The following ZNF33A variants were observed in gnomAD, a reference collection of about 807,000 sequenced individuals.
ZNF33A encodes brain my041 protein.
In ZNF33A, 9 loss-of-function variants were observed where a neutral mutation model predicts 15.9. That is an observed-to-expected ratio of 0.57 (90% CI 0.34 to 0.99). The LOEUF (loss-of-function observed/expected upper bound fraction) is 0.99, where lower values mean the gene tolerates loss of function less well. Ranked by LOEUF, ZNF33A falls within the 50% of genes least tolerant of loss-of-function variation. The probability of loss-of-function intolerance (pLI) is 0.02; values close to 1 mark genes in which losing one functional copy is unlikely to be tolerated. For synonymous variants in ZNF33A, 294 were observed against 324.2 expected, an observed-to-expected ratio of 0.91 and a Z score of 1.00; for missense variants, 843 against 941.6, an observed-to-expected ratio of 0.90 and a Z score of 1.37.
chr10:38,038,561 C>T (rs1037175970), intron 4 of ZNF33A, among the ~76,000 whole-genome samples: 7 of 152,210 alleles, frequency 4.6e-5, no homozygotes, highest in Admixed American at 2.0e-4. Context: ...GATAGTTTCA[C>T]TTTTGTTTTC....
chr10:38,037,623 C>T (rs998784936), intron 4 of ZNF33A, among the ~76,000 whole-genome samples: 2 of 151,964 alleles, frequency 1.3e-5, no homozygotes, highest in South Asian at 2.1e-4. Flanking sequence ...TGTGCCCAGC[C>T]GAAAAGGTGA....
Position 38,057,349 on chromosome 10 carries a change from A to G in ZNF33A, c.*789A>G. 2.0e-6 allele frequency: 2 copies of G among 985,426 alleles called. No individual in the cohort carries two copies. The highest frequency in any genetic ancestry group is 2.4e-6 in the Non-Finnish European group (2 of 829,930). 61.0% of individuals were successfully genotyped at this position (985,426 alleles called of 1,614,324 possible). A position where few individuals can be genotyped will look rare whatever the true frequency, so the allele number is the denominator to read the frequency against. On this transcript the variant is annotated 3_prime_UTR_variant, in exon 5 of 5. Coordinates refer to ENST00000432900, the MANE Select transcript of ZNF33A (RefSeq NM_006954.2). Reference sequence around the variant, plus strand: ...CTTGACTATGAAGTTTTTTTAAAGCACAGATAAATTGAATAATCAGGGCAA... The same window carrying G: ...CTTGACTATGAAGTTTTTTTAAAGCGCAGATAAATTGAATAATCAGGGCAA...
intron 1 of ZNF33A, among the ~76,000 whole-genome samples, chr10:38,011,491 C>G (rs2064182321): frequency 6.6e-6 from 1 of 152,094 alleles, no homozygotes. Context: ...CGGAAAATTG[C>G]TTGAACCCGG....
At chr10:38,030,538 C>G (rs1375926277) in intron 4 of ZNF33A, among the ~76,000 whole-genome samples, 3 of 152,230 alleles carry the variant, frequency 2.0e-5, no homozygotes, top group East Asian at 1.9e-4. Context: ...CCTCCTACCC[C>G]CAATGTTTGG....
chr10:38,028,540 T>C (rs1271859590), intron 4 of ZNF33A, among the ~76,000 whole-genome samples: 2 of 151,996 alleles, frequency 1.3e-5, no homozygotes, highest in Non-Finnish European at 2.9e-5. Flanking sequence ...CGATCTTGGC[T>C]CACTGCAACC....
chr10:38,049,034 C>T (rs1310934404), intron 4 of ZNF33A, among the ~76,000 whole-genome samples: 1 of 152,000 alleles, frequency 6.6e-6, no homozygotes, highest in Admixed American at 6.6e-5. Flanking sequence ...TAAAGCAAAT[C>T]TTAATAAATG....
At position 38,010,686 on chromosome 10, in the gene ZNF33A, TC is replaced by T; in HGVS notation, c.-140del. ...CCGGCTACGTCTGCGTTTCCGCCTT[TC>T]CTTTTGTTTTTCTCAGGTTTTGCGT... On this transcript the variant is annotated 5_prime_UTR_variant, in exon 1 of 5. Transcript: ENST00000432900. 6.3e-7 allele frequency: 1 copy of T among 1,595,762 alleles called. No homozygotes were observed. Among genetic ancestry groups the T allele is most frequent in the Non-Finnish European group, 8.5e-7 (1 of 1,177,482 alleles).
chr10:38,066,836 G>T (rs1185901513), downstream of ZNF33A, among the ~76,000 whole-genome samples: 1 of 152,092 alleles, frequency 6.6e-6, no homozygotes, highest in East Asian at 2.0e-4. Context: ...GGAGGGTAAG[G>T]GATGAGAATG....
At chr10:38,011,545 A>G (rs1479013408) in intron 1 of ZNF33A, among the ~76,000 whole-genome samples, 1 of 152,216 alleles carries the variant, frequency 6.6e-6, no homozygotes, top group Non-Finnish European at 1.5e-5. Context: ...ATTGCACTCC[A>G]GACTGGGCAA....
At chr10:38,065,676 T>C (rs1055300103), downstream of ZNF33A, among the ~76,000 whole-genome samples, 4 of 151,562 alleles carry the variant, frequency 2.6e-5, no homozygotes, top group Admixed American at 2.6e-4. Flanking sequence ...TGGTTGCCAG[T>C]GCACCAGCCA....
At position 38,010,769 on chromosome 10, in the gene ZNF33A, C is replaced by A. The variant is rs772969096; in HGVS notation, c.-59C>A. On this transcript the variant is annotated 5_prime_UTR_variant, in exon 1 of 5. Transcript: ENST00000432900. Reference sequence around the variant, plus strand: ...GCGCTTTTCTATGGCGAATGCAACCCGACGAGGGAGTGGGGTAAGCCCCAG... The same window carrying A: ...GCGCTTTTCTATGGCGAATGCAACCAGACGAGGGAGTGGGGTAAGCCCCAG... 1.9e-6 allele frequency: 3 copies of A among 1,598,428 alleles called. No individual in the cohort carries two copies. The highest frequency in any genetic ancestry group is 2.2e-5 in the South Asian group (2 of 91,080).
chr10:38,056,590 A>G lies in ZNF33A; in HGVS notation c.*30A>G, dbSNP rs761765570. The G allele has an allele frequency of 6.5e-7, 1 of 1,531,112 alleles. No individual in the cohort carries two copies. The highest frequency in any genetic ancestry group is 8.7e-7 in the Non-Finnish European group (1 of 1,144,920). 94.8% of individuals were successfully genotyped at this position (1,531,112 alleles called of 1,614,324 possible). On this transcript the variant is annotated 3_prime_UTR_variant, in exon 5 of 5. Coordinates refer to ENST00000432900, the MANE Select transcript of ZNF33A (RefSeq NM_006954.2). ...CCACAAACTCACCTTATGTTACTCC[A>G]AAGTAATAGTAGGGGATAAACCCAT...
At chr10:38,015,930 T>C (rs2064432334) in intron 2 of ZNF33A, 1 of 1,145,174 alleles carries the variant, frequency 8.7e-7, no homozygotes, top group South Asian at 4.4e-5. Context: ...TTTCAGTATA[T>C]GCTCATATCT....
chr10:38,047,624 C>CAAAAAAAAAAAA (rs554054575), intron 4 of ZNF33A, among the ~76,000 whole-genome samples: 28 of 75,000 alleles, frequency 3.7e-4, no homozygotes, highest in East Asian at 4.7e-4. Context: ...GACTCTGTCT[C>CAAAAAAAAAAAA]AAAAAAAAAA....
At chr10:38,012,563 C>G (rs970049893) in intron 2 of ZNF33A, among the ~76,000 whole-genome samples, 1 of 151,360 alleles carries the variant, frequency 6.6e-6, no homozygotes, top group Non-Finnish European at 1.5e-5. Context: ...CCCCGAGTAG[C>G]TGGGACTGCA....
intron 4 of ZNF33A, among the ~76,000 whole-genome samples, 176 bp from the exon 5 acceptor site, chr10:38,054,199 T>C (rs1365572669): frequency 6.6e-6 from 1 of 152,236 alleles, no homozygotes; most frequent in Non-Finnish European, 1.5e-5. Context: ...GTTTTTGTTT[T>C]TGTTTTTTGA....
chr10:38,032,895 T>G (rs894814932), intron 4 of ZNF33A, among the ~76,000 whole-genome samples: 2 of 151,718 alleles, frequency 1.3e-5, no homozygotes, highest in Non-Finnish European at 2.9e-5. Flanking sequence ...TGCAGGTGTG[T>G]ACCACTATGC....
intron 4 of ZNF33A, among the ~76,000 whole-genome samples, chr10:38,035,791 C>G (rs2065425504): frequency 6.6e-6 from 1 of 151,678 alleles, no homozygotes; most frequent in South Asian, 2.1e-4. Context: ...GGACCAATAT[C>G]AGTTAAAGAA....
chr10:38,065,447 A>T (rs2066701238), downstream of ZNF33A, among the ~76,000 whole-genome samples: 1 of 152,220 alleles, frequency 6.6e-6, no homozygotes, highest in African/African-American at 2.4e-5. Context: ...ATCCTAAAAG[A>T]CAAGCGATAC....
Sources: gnomAD v4.1 joint callset for allele counts (sites outside exome capture counted in the v4.1 genomes callset) on GRCh38, gnomAD v4.1.1 for gene constraint, MANE v1.5 for transcripts, NCBI Gene and HGNC (gene_info 2026-07-23, HGNC 2026-07-21) for gene names.